The following RABGAP1L variants were observed in gnomAD, a reference collection of about 807,000 sequenced individuals.
The protein encoded by RABGAP1L is rab GTPase-activating protein 1-like.
RABGAP1L carries 63 observed loss-of-function variants against 137.7 expected under a neutral mutation model. The observed-to-expected ratio is 0.46, with a 90% CI of 0.37 to 0.56. The LOEUF is 0.56. RABGAP1L is among the 20% of genes least tolerant of loss of function. The pLI is 0.00. For synonymous variants in RABGAP1L, 431 were observed against 433.7 expected (o/e 0.99, Z 0.08); for missense variants, 1,095 against 1,244.0 (o/e 0.88, Z 1.80).
At chr1:174,890,106 T>C (rs571114777) in intron 19 of RABGAP1L, among the ~76,000 whole-genome samples, 72 of 152,298 alleles carry the variant, frequency 4.7e-4, no homozygotes, top group African/African-American at 1.7e-3. Context: ...TGTTATACTT[T>C]TATTTAGTGG....
intron 9 of RABGAP1L, 48 bp from the exon 10 acceptor site, chr1:174,278,565 A>T (rs1675213106): frequency 6.8e-7 from 1 of 1,467,990 alleles, no homozygotes. Context: ...TTTAAAGTAG[A>T]CAAGGAATAA....
chr1:174,553,266 A>G (rs1655153765), intron 13 of RABGAP1L, among the ~76,000 whole-genome samples: 1 of 152,136 alleles, frequency 6.6e-6, no homozygotes, highest in African/African-American at 2.4e-5. Context: ...CTTTTCTTGC[A>G]ATTGTTTTTG....
At chr1:174,700,553 A>G (rs2148519514) in intron 16 of RABGAP1L, 2 of 152,936 alleles carry the variant, frequency 1.3e-5, no homozygotes, top group Middle Eastern at 6.8e-3. Flanking sequence ...GGAGACTGAG[A>G]GATTAGAAGA....
intron 11 of RABGAP1L, among the ~76,000 whole-genome samples, chr1:174,364,070 T>G (rs1684374219): frequency 6.6e-6 from 1 of 151,816 alleles, no homozygotes; most frequent in Non-Finnish European, 1.5e-5. Flanking sequence ...TCTGGAAGTA[T>G]TCCCTCTTCC....
chr1:174,407,038 G>A (rs1649360075), intron 13 of RABGAP1L, among the ~76,000 whole-genome samples: 1 of 152,136 alleles, frequency 6.6e-6, no homozygotes, highest in African/African-American at 2.4e-5. Context: ...GGTGTGGTGA[G>A]TTCTCTCTAG....
intron 19 of RABGAP1L, among the ~76,000 whole-genome samples, chr1:174,872,282 T>C (rs989404921): frequency 1.3e-5 from 2 of 152,268 alleles, no homozygotes; most frequent in South Asian, 4.1e-4. Flanking sequence ...TTATTTACCT[T>C]TGCATAATTT....
chr1:174,406,278 CTAAG>C (rs1213653417), intron 13 of RABGAP1L, among the ~76,000 whole-genome samples: 2 of 152,036 alleles, frequency 1.3e-5, no homozygotes, highest in Admixed American at 1.3e-4. Context: ...AAAATATACT[CTAAG>C]TATTTTCATG....
intron 17 of RABGAP1L, among the ~76,000 whole-genome samples, chr1:174,712,982 G>A (rs1460239043): frequency 6.6e-6 from 1 of 152,148 alleles, no homozygotes; most frequent in African/African-American, 2.4e-5. Context: ...GGTGGTCTTG[G>A]GAAATGCAAT....
intron 10 of RABGAP1L, among the ~76,000 whole-genome samples, chr1:174,302,227 T>G (rs1338746371): frequency 6.6e-6 from 1 of 152,244 alleles, no homozygotes; most frequent in Non-Finnish European, 1.5e-5. Context: ...GCTTCATTAT[T>G]CCTGAACATT....
intron 19 of RABGAP1L, among the ~76,000 whole-genome samples, chr1:174,956,391 T>C (rs1431528873): frequency 6.6e-6 from 1 of 152,194 alleles, no homozygotes; most frequent in Non-Finnish European, 1.5e-5. Context: ...TACTGAGGGC[T>C]TTTATACTAC....
chr1:174,212,440 A>C (rs780363496), intron 1 of RABGAP1L, among the ~76,000 whole-genome samples: 3 of 152,064 alleles, frequency 2.0e-5, no homozygotes, highest in Non-Finnish European at 4.4e-5. Flanking sequence ...CTCCTGAATG[A>C]CCAGTGCATC....
intron 23 of RABGAP1L, among the ~76,000 whole-genome samples, chr1:174,982,172 C>A (rs1231237519): frequency 6.6e-6 from 1 of 152,120 alleles, no homozygotes. Flanking sequence ...CTGGGGTACA[C>A]ATGCAGAACA....
At chr1:174,844,576 T>G (rs2148959331) in intron 19 of RABGAP1L, among the ~76,000 whole-genome samples, 1 of 118,324 alleles carries the variant, frequency 8.5e-6, no homozygotes, top group South Asian at 3.3e-4. Flanking sequence ...TCTGTTCCAT[T>G]GATCTATATC....
chr1:174,390,917 A>G (rs1687168120), intron 12 of RABGAP1L, among the ~76,000 whole-genome samples: 1 of 152,178 alleles, frequency 6.6e-6, no homozygotes, highest in Non-Finnish European at 1.5e-5. Flanking sequence ...ATACATGTTT[A>G]TAGGTGATAA....
chr1:174,733,706 A>G (rs756781491), intron 17 of RABGAP1L, among the ~76,000 whole-genome samples: 16 of 152,226 alleles, frequency 1.1e-4, no homozygotes, highest in Non-Finnish European at 8.8e-5. Flanking sequence ...TGACCTAATA[A>G]AACATAATAT....
At chr1:174,388,573 T>G (rs1686989566) in intron 12 of RABGAP1L, among the ~76,000 whole-genome samples, 1 of 152,076 alleles carries the variant, frequency 6.6e-6, no homozygotes, top group Admixed American at 6.5e-5. Flanking sequence ...TTCTTTTATA[T>G]GTTGAATATA....
chr1:174,546,961 C>T (rs575523450), intron 13 of RABGAP1L, among the ~76,000 whole-genome samples: 9 of 126,064 alleles, frequency 7.1e-5, no homozygotes, highest in Non-Finnish European at 1.1e-4. Flanking sequence ...ACCCGGGAGG[C>T]GGAGCTTGCA....
At chr1:174,347,905 G>A (rs1682599179) in intron 11 of RABGAP1L, among the ~76,000 whole-genome samples, 1 of 152,058 alleles carries the variant, frequency 6.6e-6, no homozygotes, top group African/African-American at 2.4e-5. Context: ...TTTTACAGGT[G>A]ATGTTTATTT....
At chr1:174,416,852 G>A (rs572439103) in intron 13 of RABGAP1L, among the ~76,000 whole-genome samples, 1 of 152,150 alleles carries the variant, frequency 6.6e-6, no homozygotes, top group South Asian at 2.1e-4. Context: ...GCTGCTTTGT[G>A]TTTGTAAGAT....
Sources: allele counts gnomAD v4.1 joint callset (sites outside exome capture counted in the v4.1 genomes callset), GRCh38; gene constraint gnomAD v4.1.1; transcripts MANE v1.5; gene names NCBI Gene and HGNC (gene_info 2026-07-23, HGNC 2026-07-21).